Variants in NPAS2 observed in about 807,000 individuals in gnomAD.
The protein encoded by NPAS2 is neuronal PAS domain protein 2, also known as neuronal PAS domain-containing protein 2.
NPAS2 carries 23 observed loss-of-function variants against 107.5 expected under a neutral mutation model. The observed-to-expected ratio is 0.21, with a 90% CI of 0.15 to 0.30. NPAS2 has a LOEUF of 0.30. Among genes scored for constraint, NPAS2 ranks in the 10% least tolerant of loss-of-function variants. The pLI, the probability that NPAS2 is intolerant of heterozygous loss-of-function variation, is 1.00. For missense variants in NPAS2, 756 were observed against 1,043.3 expected, an observed-to-expected ratio of 0.72 and a Z score of 3.79; for synonymous variants, 403 against 417.5, an observed-to-expected ratio of 0.97 and a Z score of 0.42.
intron 2 of NPAS2, among the ~76,000 whole-genome samples, chr2:100,906,998 G>A (rs1682191396): frequency 6.6e-6 from 1 of 152,078 alleles, no homozygotes; most frequent in African/African-American, 2.4e-5. Context: ...TTTCATATAA[G>A]ACCAAACTCA....
At chr2:100,883,831 C>G (rs1680531533) in intron 1 of NPAS2, among the ~76,000 whole-genome samples, 1 of 152,156 alleles carries the variant, frequency 6.6e-6, no homozygotes, top group Non-Finnish European at 1.5e-5. Context: ...GGTGCCTCCC[C>G]CGAGGCCACC....
intron 3 of NPAS2, among the ~76,000 whole-genome samples, chr2:100,928,965 G>A (rs2104918645): frequency 6.6e-6 from 1 of 152,254 alleles, no homozygotes; most frequent in Middle Eastern, 3.4e-3. Context: ...GTGCAGTGGT[G>A]CAATTTCAGC....
At chr2:100,876,409 A>G (rs945120250) in intron 1 of NPAS2, among the ~76,000 whole-genome samples, 1 of 152,178 alleles carries the variant, frequency 6.6e-6, no homozygotes, top group Non-Finnish European at 1.5e-5. Context: ...CACGTCTCCT[A>G]AGAGGGCTTC....
intron 7 of NPAS2, among the ~76,000 whole-genome samples, chr2:100,955,261 A>G (rs1254141492): frequency 6.6e-6 from 1 of 152,216 alleles, no homozygotes; most frequent in Admixed American, 6.5e-5. Flanking sequence ...GTTACATGGT[A>G]CATTCTTATT....
intron 1 of NPAS2, among the ~76,000 whole-genome samples, chr2:100,864,689 A>C (rs1176365790): frequency 6.6e-6 from 1 of 152,190 alleles, no homozygotes; most frequent in Admixed American, 6.5e-5. Context: ...ATTTCTGGTA[A>C]GTGTCAACAT....
intron 1 of NPAS2, among the ~76,000 whole-genome samples, chr2:100,848,234 G>A (rs999433026): frequency 5.9e-5 from 9 of 152,152 alleles, no homozygotes; most frequent in Non-Finnish European, 1.5e-5. Flanking sequence ...TACAAAGTCC[G>A]GTGGGTCCTC....
At position 100,850,980 on chromosome 2, in the gene NPAS2, A is replaced by AAG. The variant is rs55977491; in HGVS notation, c.-23+30566_-23+30567insAG. Among the ~76,000 whole-genome samples, 16 of 148,938 alleles carry AAG rather than the reference A, an allele frequency of 1.1e-4. No homozygotes were observed. The East Asian group carries it at 3.2e-3, about 30-fold the overall frequency. On this transcript the variant is annotated intron_variant, in intron 1 of 20. Coordinates refer to ENST00000335681, the MANE Select transcript of NPAS2 (RefSeq NM_002518.4). ...AAAAAAAAAAAAAAAAAAAAAAAAA[A>AAG]GGAAGGACATTCTGACCCATGCTAC... is the stretch of plus-strand genomic sequence containing the variant.
intron 1 of NPAS2, among the ~76,000 whole-genome samples, chr2:100,830,230 AT>A (rs1182740902): frequency 3.3e-5 from 5 of 152,202 alleles, no homozygotes; most frequent in African/African-American, 1.2e-4. Flanking sequence ...GAATGCCTCT[AT>A]TTTTTATTAA....
chr2:100,845,471 A>T (rs554214050), intron 1 of NPAS2, among the ~76,000 whole-genome samples: 4 of 152,286 alleles, frequency 2.6e-5, no homozygotes, highest in Admixed American at 2.6e-4. Context: ...CTGGCTAAGA[A>T]CAAACAACAG....
chr2:100,919,620 C>T (rs1683100104), intron 2 of NPAS2, among the ~76,000 whole-genome samples: 2 of 152,152 alleles, frequency 1.3e-5, no homozygotes, highest in African/African-American at 4.8e-5. Context: ...ATTTCATTTC[C>T]TTTCCCTGTC....
At chr2:100,874,129 T>C (rs927078446) in intron 1 of NPAS2, among the ~76,000 whole-genome samples, 4 of 151,950 alleles carry the variant, frequency 2.6e-5, no homozygotes, top group African/African-American at 7.3e-5. Context: ...GGACTACAGG[T>C]GCATGCCACC....
At chr2:100,841,859 A>ATG in intron 1 of NPAS2, among the ~76,000 whole-genome samples, 1 of 152,314 alleles carries the variant, frequency 6.6e-6, no homozygotes, top group East Asian at 1.9e-4. Context: ...CACAGCGTAT[A>ATG]CACATGCACA....
At chr2:100,921,712 G>C (rs1025328008) in intron 2 of NPAS2, among the ~76,000 whole-genome samples, 1 of 152,180 alleles carries the variant, frequency 6.6e-6, no homozygotes, top group African/African-American at 2.4e-5. Flanking sequence ...AATCCAAGCC[G>C]CAGTAAGGTA....
At chr2:100,985,236 ATCCT>A (rs1558941335) in intron 16 of NPAS2, 4 of 151,700 alleles carry the variant, frequency 2.6e-5, no homozygotes, top group African/African-American at 9.8e-5. Flanking sequence ...TCATCTGTCC[ATCCT>A]TCCATCCGTC....
chr2:100,858,860 C>T (rs997976043), intron 1 of NPAS2, among the ~76,000 whole-genome samples: 2 of 152,128 alleles, frequency 1.3e-5, no homozygotes, highest in African/African-American at 4.8e-5. Flanking sequence ...ATATAGCAGC[C>T]CTTGCCCTCC....
At chr2:100,870,458 C>T (rs892975367) in intron 1 of NPAS2, among the ~76,000 whole-genome samples, 15 of 152,058 alleles carry the variant, frequency 9.9e-5, no homozygotes, top group African/African-American at 2.7e-4. Flanking sequence ...TGCAGTGGCA[C>T]GATCTTGGCT....
At chr2:100,864,145 C>G (rs1274447484) in intron 1 of NPAS2, among the ~76,000 whole-genome samples, 1 of 152,146 alleles carries the variant, frequency 6.6e-6, no homozygotes, top group African/African-American at 2.4e-5. Flanking sequence ...CATCCTATTT[C>G]TCTGTGAGTT....
At chr2:100,878,132 C>A in intron 1 of NPAS2, 1 of 985,392 alleles carries the variant, frequency 1.0e-6, no homozygotes, top group Non-Finnish European at 1.2e-6. Context: ...CTGAGACAAG[C>A]AGCCTGTGAC....
At chr2:100,983,133 C>T (rs1164167506) in intron 16 of NPAS2, 1 of 152,218 alleles carries the variant, frequency 6.6e-6, no homozygotes, top group Non-Finnish European at 1.5e-5. Flanking sequence ...CTCTAGCTAA[C>T]CTTGGCGTCT....
Sources: gnomAD v4.1 joint callset for allele counts (sites outside exome capture counted in the v4.1 genomes callset) on GRCh38, gnomAD v4.1.1 for gene constraint, MANE v1.5 for transcripts, NCBI Gene and HGNC (gene_info 2026-07-23, HGNC 2026-07-21) for gene names.